The following FAM184A variants were observed in gnomAD, a reference collection of about 807,000 sequenced individuals.
FAM184A encodes protein FAM184A.
A neutral mutation model predicts 143.8 loss-of-function variants in FAM184A; 99 were observed. That is an observed-to-expected ratio of 0.69 (90% CI 0.58 to 0.81). The LOEUF is 0.81. Ranked by LOEUF, FAM184A falls within the 40% of genes least tolerant of loss-of-function variation. FAM184A has a pLI of 0.00. For missense variants in FAM184A, 1,217 were observed against 1,310.5 expected (o/e 0.93, Z 1.10); for synonymous variants, 427 against 446.4 (o/e 0.96, Z 0.55).
chr6:119,005,810 C>T (rs2114646412), intron 7 of FAM184A: 1 of 378,896 alleles, frequency 2.6e-6, no homozygotes, highest in East Asian at 4.0e-5. Flanking sequence ...CAATCTAAAT[C>T]TTTGCTGTGC....
chr6:119,136,191 T>C (rs1293768088), intron 1 of FAM184A, among the ~76,000 whole-genome samples: 1 of 139,716 alleles, frequency 7.2e-6, no homozygotes, highest in Admixed American at 7.9e-5. Context: ...GGCAGGAGAA[T>C]GGCGTGAACC....
At chr6:119,023,845 C>G in intron 2 of FAM184A, 114 bp downstream of exon 2, 6 of 521,380 alleles carry the variant, frequency 1.2e-5, no homozygotes, top group Non-Finnish European at 1.8e-5. Flanking sequence ...AAAAAAAAGT[C>G]TAAGTGGTGT....
intron 1 of FAM184A, among the ~76,000 whole-genome samples, chr6:119,110,884 T>C (rs1282795720): frequency 1.3e-5 from 2 of 152,250 alleles, no homozygotes; most frequent in African/African-American, 4.8e-5. Flanking sequence ...AAAACAGCTA[T>C]GGTTTTGCCA....
intron 1 of FAM184A, among the ~76,000 whole-genome samples, chr6:119,031,961 T>C (rs1201807208): frequency 2.6e-5 from 4 of 152,086 alleles, no homozygotes; most frequent in East Asian, 1.9e-4. Flanking sequence ...TACAGATATA[T>C]AGATATAGAT....
At chr6:119,060,462 T>C (rs1020228829) in intron 1 of FAM184A, among the ~76,000 whole-genome samples, 1 of 152,124 alleles carries the variant, frequency 6.6e-6, no homozygotes, top group African/African-American at 2.4e-5. Context: ...AAAACAGACA[T>C]GATGAACAGG....
At position 119,035,686 on chromosome 6, in the gene FAM184A, C is replaced by G. The variant is rs187427339; in HGVS notation, c.160-10873G>C. 7.9e-3 allele frequency among the ~76,000 whole-genome samples: 1,198 copies of G among 152,228 alleles called. 8 individuals carry two copies. The highest frequency in any genetic ancestry group is 0.013 in the Non-Finnish European group (900 of 68,010). On this transcript the variant is annotated intron_variant, in intron 1 of 17. Transcript: ENST00000338891. ...CATCTGCATGATAAAACCTTCGTCTCCACAACCTTATCTTAACCCAGACAC... is the reference window on the plus strand; with the variant it reads ...CATCTGCATGATAAAACCTTCGTCTGCACAACCTTATCTTAACCCAGACAC...
chr6:119,143,143 C>G (rs1032907044), intron 1 of FAM184A, among the ~76,000 whole-genome samples: 20 of 152,040 alleles, frequency 1.3e-4, no homozygotes, highest in African/African-American at 4.8e-4. Context: ...TTTAAGGTAC[C>G]CTGTTTTTGG....
In FAM184A at chr6:119,003,110, A is replaced by G. The variant is rs961057686; in HGVS notation, c.1938-61T>C. ...AATTATTCCTTTCACTGACTGTAAT[A>G]GAGTCTACAGGTTTTTTAAGCGCTT... On this transcript the variant is annotated intron_variant, in intron 8 of 17. Coordinates refer to ENST00000338891, the MANE Select transcript of FAM184A (RefSeq NM_024581.6). The G allele has an allele frequency of 2.1e-6, 3 of 1,440,018 alleles. No homozygotes were observed. The African/African-American group carries it at 4.3e-5, about 21-fold the overall frequency. The allele number at this position is 1,440,018 out of a possible 1,614,324, so 89.2% of individuals were successfully genotyped here. A position where few individuals can be genotyped will look rare whatever the true frequency, so the allele number is the denominator to read the frequency against.
chr6:119,113,393 A>T (rs562872365), intron 1 of FAM184A, among the ~76,000 whole-genome samples: 3 of 152,072 alleles, frequency 2.0e-5, no homozygotes, highest in African/African-American at 7.2e-5. Context: ...AGTCCCCATT[A>T]TGACTTGGTG....
intron 1 of FAM184A, among the ~76,000 whole-genome samples, chr6:119,131,164 T>C (rs991419026): frequency 6.6e-6 from 1 of 152,040 alleles, no homozygotes; most frequent in Admixed American, 6.5e-5. Context: ...CAGCCAGAAT[T>C]GTATTTCTTG....
Position 119,074,447 on chromosome 6 carries a change from A to G in FAM184A, c.159+3694T>C, listed in dbSNP as rs77844263. On this transcript the variant is annotated intron_variant, in intron 1 of 17. Transcript: ENST00000338891. Reference sequence around the variant, plus strand: ...TGGTACTGGGCATTTTAATTTTAATAATCAAATTGAGACTTTTGTGACTTT... The same window carrying G: ...TGGTACTGGGCATTTTAATTTTAATGATCAAATTGAGACTTTTGTGACTTT... Among the ~76,000 whole-genome samples the G allele has an allele frequency of 5.6e-3, 853 of 152,324 alleles. 12 individuals are homozygous for G. Among genetic ancestry groups the G allele is most frequent in the African/African-American group, 0.02 (813 of 41,570 alleles).
intron 1 of FAM184A, among the ~76,000 whole-genome samples, chr6:119,046,389 T>C (rs2114737024): frequency 6.6e-6 from 1 of 152,064 alleles, no homozygotes; most frequent in South Asian, 2.1e-4. Context: ...CACACCCAGC[T>C]AAGGTTTGTA....
At chr6:118,971,287 C>T (rs548658212) in intron 14 of FAM184A, among the ~76,000 whole-genome samples, 84 of 152,106 alleles carry the variant, frequency 5.5e-4, no homozygotes, top group Non-Finnish European at 9.7e-4. Flanking sequence ...GATGAAAGGA[C>T]TCAAAACTTA....
intron 9 of FAM184A, among the ~76,000 whole-genome samples, chr6:118,984,281 G>A (rs1784123254): frequency 1.4e-5 from 2 of 147,718 alleles, no homozygotes; most frequent in African/African-American, 5.0e-5. Context: ...TCAACCACCT[G>A]GGCTCAAGTG....
At chr6:118,992,888 CT>C (rs755164547) in intron 9 of FAM184A, among the ~76,000 whole-genome samples, 129 of 152,314 alleles carry the variant, frequency 8.5e-4, no homozygotes, top group Admixed American at 1.6e-3. Flanking sequence ...CATGACTGTA[CT>C]ACTGCACTCC....
intron 1 of FAM184A, among the ~76,000 whole-genome samples, chr6:119,043,216 A>G (rs1468831336): frequency 6.6e-6 from 1 of 152,204 alleles, no homozygotes; most frequent in African/African-American, 2.4e-5. Context: ...ATCACAATGC[A>G]ACCAACTGGC....
chr6:119,089,441 C>G (rs1257801215), intron 1 of FAM184A, among the ~76,000 whole-genome samples: 1 of 151,964 alleles, frequency 6.6e-6, no homozygotes, highest in African/African-American at 2.4e-5. Context: ...ATCTGCCTGA[C>G]TTGGCCTCCC....
chr6:118,982,355 A>G (rs1315781205), intron 9 of FAM184A, among the ~76,000 whole-genome samples: 1 of 152,204 alleles, frequency 6.6e-6, no homozygotes, highest in Non-Finnish European at 1.5e-5. Flanking sequence ...CAGCCTAAGC[A>G]TGGGGACCCA....
rs192998543 is a variant in FAM184A, at chr6:119,031,963, G to A, written c.160-7150C>T. Among the ~76,000 whole-genome samples, 435 of 152,240 alleles carry A rather than the reference G, an allele frequency of 2.9e-3. 3 individuals carry two copies. Among genetic ancestry groups the A allele is most frequent in the African/African-American group, 0.01 (426 of 41,554 alleles). On this transcript the variant is annotated intron_variant, in intron 1 of 17. Transcript: ENST00000338891. ...AGGAAAAAGTGAGTACAGATATATA[G>A]ATATAGATATGTAAAGAAATAAACC...
Sources: gnomAD v4.1 joint callset for allele counts (sites outside exome capture counted in the v4.1 genomes callset) on GRCh38, gnomAD v4.1.1 for gene constraint, MANE v1.5 for transcripts, NCBI Gene and HGNC (gene_info 2026-07-23, HGNC 2026-07-21) for gene names.